Variants in SLC25A26 observed in about 807,000 individuals in gnomAD.
The protein encoded by SLC25A26 is solute carrier family 25 member 26.
In SLC25A26, 36 loss-of-function variants were observed where a neutral mutation model predicts 37.8. The observed-to-expected ratio is 0.95, with a 90% CI of 0.73 to 1.26. SLC25A26 has a LOEUF of 1.26. Ranked by LOEUF, SLC25A26 falls within the 50% of genes most tolerant of loss-of-function variation. The pLI, the probability that SLC25A26 is intolerant of heterozygous loss-of-function variation, is 0.00. For missense variants in SLC25A26, 390 were observed against 331.1 expected (o/e 1.18, Z -1.38); for synonymous variants, 129 against 122.5 (o/e 1.05, Z -0.35).
chr3:66,192,099 G>A (rs1041174723), intron 1 of SLC25A26, among the ~76,000 whole-genome samples: 115 of 151,922 alleles, frequency 7.6e-4, no homozygotes, highest in African/African-American at 2.7e-3. Flanking sequence ...GGCAGATCAC[G>A]AGGTCAGGAG....
chr3:66,296,178 T>G (rs1158528380), intron 5 of SLC25A26, among the ~76,000 whole-genome samples: 1 of 152,168 alleles, frequency 6.6e-6, no homozygotes, highest in African/African-American at 2.4e-5. Context: ...GCATTAAGCA[T>G]GCTAATTAGT....
chr3:66,343,644 G>A (rs2107726848), intron 5 of SLC25A26, among the ~76,000 whole-genome samples: 1 of 152,304 alleles, frequency 6.6e-6, no homozygotes, highest in South Asian at 2.1e-4. Context: ...ATAACATTCA[G>A]TGCAATTTGT....
intron 5 of SLC25A26, among the ~76,000 whole-genome samples, chr3:66,307,501 A>T (rs539701135): frequency 1.3e-5 from 2 of 152,276 alleles, no homozygotes; most frequent in African/African-American, 4.8e-5. Flanking sequence ...GAAGCTCTTT[A>T]GTTTAATTAG....
intron 5 of SLC25A26, among the ~76,000 whole-genome samples, chr3:66,274,418 A>C (rs2074060842): frequency 6.6e-6 from 1 of 152,010 alleles, no homozygotes; most frequent in African/African-American, 2.4e-5. Flanking sequence ...ATTAAACTAA[A>C]GAGCTTCTGC....
chr3:66,375,420 G>A (rs1322205451), intron 9 of SLC25A26, among the ~76,000 whole-genome samples: 1 of 152,192 alleles, frequency 6.6e-6, no homozygotes, highest in East Asian at 1.9e-4. Context: ...TGCCATCTAG[G>A]ACTTTCCTAG....
intron 5 of SLC25A26, among the ~76,000 whole-genome samples, chr3:66,339,782 G>A (rs1319543298): frequency 1.3e-5 from 2 of 151,894 alleles, no homozygotes; most frequent in Non-Finnish European, 2.9e-5. Context: ...TACATGATTT[G>A]CAAATATTTT....
chr3:66,204,971 C>A (rs1218094450), intron 1 of SLC25A26, among the ~76,000 whole-genome samples: 1 of 152,226 alleles, frequency 6.6e-6, no homozygotes, highest in African/African-American at 2.4e-5. Flanking sequence ...GAGATGGAAA[C>A]GTGAATCTCG....
chr3:66,248,587 C>A (rs1164442269), intron 3 of SLC25A26, among the ~76,000 whole-genome samples: 1 of 152,078 alleles, frequency 6.6e-6, no homozygotes, highest in African/African-American at 2.4e-5. Context: ...ATGAAAAAAA[C>A]ATTGAAATTT....
intron 5 of SLC25A26, among the ~76,000 whole-genome samples, chr3:66,330,491 T>C (rs571447880): frequency 1.3e-5 from 2 of 152,302 alleles, no homozygotes; most frequent in South Asian, 4.1e-4. Context: ...ATATATTTCA[T>C]GTGTGTCTGT....
intron 6 of SLC25A26, among the ~76,000 whole-genome samples, chr3:66,355,023 C>G (rs2076544041): frequency 1.3e-5 from 2 of 152,128 alleles, no homozygotes; most frequent in Admixed American, 6.5e-5. Flanking sequence ...TGGACTAATA[C>G]AACTAATAAG....
At chr3:66,331,076 A>C (rs2075963016) in intron 5 of SLC25A26, among the ~76,000 whole-genome samples, 1 of 151,206 alleles carries the variant, frequency 6.6e-6, no homozygotes, top group East Asian at 1.9e-4. Flanking sequence ...TAAAGTGCTT[A>C]TTAATTATTG....
At chr3:66,141,472 T>G (rs1173461221) in intron 1 of SLC25A26, among the ~76,000 whole-genome samples, 1 of 151,870 alleles carries the variant, frequency 6.6e-6, no homozygotes, top group African/African-American at 2.4e-5. Flanking sequence ...GATAATGATG[T>G]CCTGTGTCAT....
chr3:66,224,487 C>G (rs989523418), intron 1 of SLC25A26, among the ~76,000 whole-genome samples: 1 of 152,258 alleles, frequency 6.6e-6, no homozygotes, highest in Admixed American at 6.5e-5. Flanking sequence ...GAAAGACCTG[C>G]CCCCATGATT....
intron 3 of SLC25A26, among the ~76,000 whole-genome samples, chr3:66,253,778 T>A (rs922630335): frequency 6.6e-6 from 1 of 152,190 alleles, no homozygotes; most frequent in African/African-American, 2.4e-5. Context: ...CATTGCCACC[T>A]CCTCAACGTT....
chr3:66,363,969 A>G (rs1448871847), intron 7 of SLC25A26, among the ~76,000 whole-genome samples: 1 of 152,128 alleles, frequency 6.6e-6, no homozygotes, highest in African/African-American at 2.4e-5. Context: ...GGTGGTCTTG[A>G]TTCATTTTCC....
chr3:66,215,605 G>A (rs2071349137), intron 1 of SLC25A26, among the ~76,000 whole-genome samples: 1 of 152,158 alleles, frequency 6.6e-6, no homozygotes, highest in African/African-American at 2.4e-5. Flanking sequence ...AGCATTTATT[G>A]AAAGAGTCAT....
At chr3:66,170,579 G>A (rs2070481106) in intron 1 of SLC25A26, among the ~76,000 whole-genome samples, 1 of 152,106 alleles carries the variant, frequency 6.6e-6, no homozygotes, top group Non-Finnish European at 1.5e-5. Flanking sequence ...TATGAGGTAT[G>A]TCATCTAAGA....
intron 5 of SLC25A26, among the ~76,000 whole-genome samples, chr3:66,266,414 A>G (rs1440375343): frequency 6.6e-6 from 1 of 152,300 alleles, no homozygotes; most frequent in African/African-American, 2.4e-5. Context: ...TCAAAATCTT[A>G]GTGAGAATCA....
intron 3 of SLC25A26, among the ~76,000 whole-genome samples, chr3:66,249,082 C>T (rs2072973144): frequency 6.6e-6 from 1 of 152,182 alleles, no homozygotes. Context: ...ACTTGTAGAT[C>T]AAATGTGTTA....
Sources: gnomAD v4.1 joint callset for allele counts (sites outside exome capture counted in the v4.1 genomes callset) on GRCh38, gnomAD v4.1.1 for gene constraint, MANE v1.5 for transcripts, NCBI Gene and HGNC (gene_info 2026-07-23, HGNC 2026-07-21) for gene names.